Variants in SDK1 observed in about 807,000 individuals in gnomAD.
The protein encoded by SDK1 is sidekick cell adhesion molecule 1.
SDK1 carries 157 observed loss-of-function variants against 245.5 expected under a neutral mutation model. The ratio of observed to expected loss-of-function variants is 0.64; its 90% confidence interval spans 0.56 to 0.73. The LOEUF is 0.73. SDK1 is among the 30% of genes least tolerant of loss of function. The pLI is 0.00. For missense variants in SDK1, 3,583 were observed against 3,002.3 expected, an observed-to-expected ratio of 1.19 and a Z score of -4.52; for synonymous variants, 1,647 against 1,278.5, an observed-to-expected ratio of 1.29 and a Z score of -6.15.
chr7:3,476,026 C>T (rs1352454819), intron 1 of SDK1: 1 of 152,642 alleles, frequency 6.6e-6, no homozygotes, highest in African/African-American at 2.4e-5. Flanking sequence ...TCCTATTCAT[C>T]ATCAAAAAGT....
intron 1 of SDK1, among the ~76,000 whole-genome samples, chr7:3,363,724 A>G (rs978933277): frequency 6.6e-6 from 1 of 152,156 alleles, no homozygotes; most frequent in Admixed American, 6.5e-5. Context: ...TTGTGCTCCT[A>G]TGAGAATCTA....
intron 5 of SDK1, among the ~76,000 whole-genome samples, chr7:3,874,728 G>A (rs750208825): frequency 6.6e-6 from 1 of 152,192 alleles, no homozygotes; most frequent in Non-Finnish European, 1.5e-5. Context: ...GGGGTGATGA[G>A]TGTGTGCAGA....
chr7:4,265,232 G>C lies in SDK1; in HGVS notation c.6490G>C (p.Ala2164Pro). Reference protein sequence around the residue: ...NSWKRRAQGRAPAPHRYEAVA... With the variant: ...NSWKRRAQGRPPAPHRYEAVA... Reference sequence around the variant, plus strand: ...ATGGAAGCGCAGGGCCCAGGGCCGCGCACCTGCGCCGCACAGGTACGAGGC... The same window carrying C: ...ATGGAAGCGCAGGGCCCAGGGCCGCCCACCTGCGCCGCACAGGTACGAGGC... The change falls in exon 45 of 45, where the codon GCA (alanine) becomes CCA (proline). Residue 2164 changes from alanine (A) to proline (P), a missense_variant. Transcript: ENST00000404826. The C allele has an allele frequency of 6.2e-7, 1 of 1,608,248 alleles. No individual in the cohort carries two copies. Among genetic ancestry groups the C allele is most frequent in the Non-Finnish European group, 8.5e-7 (1 of 1,179,292 alleles).
At chr7:3,932,043 G>A (rs889881021) in intron 5 of SDK1, among the ~76,000 whole-genome samples, 1 of 152,178 alleles carries the variant, frequency 6.6e-6, no homozygotes. Context: ...CAGATTTGCT[G>A]AGTAATCATT....
intron 25 of SDK1, among the ~76,000 whole-genome samples, chr7:4,125,340 AATAG>A (rs1223631324): frequency 7.3e-5 from 9 of 124,040 alleles, no homozygotes; most frequent in African/African-American, 2.4e-4. Context: ...TGGATGAATG[AATAG>A]ATGGATGGAT....
At chr7:3,973,326 T>C (rs1782637196) in intron 12 of SDK1, among the ~76,000 whole-genome samples, 1 of 152,184 alleles carries the variant, frequency 6.6e-6, no homozygotes, top group Admixed American at 6.5e-5. Context: ...TTTAAAGAAC[T>C]GGGCACATTT....
chr7:4,219,805 GC>G (rs375353235), intron 38 of SDK1, among the ~76,000 whole-genome samples: 939 of 29,322 alleles, frequency 0.032, 9 homozygotes, highest in African/African-American at 0.099. Flanking sequence ...CCCTTCCCCC[GC>G]CCCCGCTCCT....
Position 4,265,411 on chromosome 7 carries a change from G to A in SDK1, c.*27G>A, listed in dbSNP as rs1788408037. On this transcript the variant is annotated 3_prime_UTR_variant, in exon 45 of 45. Coordinates refer to ENST00000404826, the MANE Select transcript of SDK1 (RefSeq NM_152744.4). ...CAAAGCGCCGCGCCTCCCTCAGGGC[G>A]GAACGGAGGCAACTTTCCGGAGTCT... The A allele has an allele frequency of 2.8e-6, 4 of 1,410,326 alleles. No homozygotes were observed. The highest frequency in any genetic ancestry group is 1.5e-5 in the African/African-American group (1 of 66,036). The allele number at this position is 1,410,326 out of a possible 1,614,324, so 87.4% of individuals were successfully genotyped here.
chr7:3,858,366 A>G (rs1488614072), intron 5 of SDK1, among the ~76,000 whole-genome samples: 1 of 152,180 alleles, frequency 6.6e-6, no homozygotes, highest in Non-Finnish European at 1.5e-5. Context: ...ACCCTGGGCC[A>G]CATAGTGAGA....
intron 1 of SDK1, among the ~76,000 whole-genome samples, chr7:3,508,988 T>C (rs545077961): frequency 1.3e-5 from 2 of 152,210 alleles, no homozygotes; most frequent in African/African-American, 2.4e-5. Flanking sequence ...TCTAGTAATA[T>C]CTGTGGCAGT....
At chr7:3,619,690 G>C (rs956863702) in intron 2 of SDK1, among the ~76,000 whole-genome samples, 6 of 152,194 alleles carry the variant, frequency 3.9e-5, no homozygotes, top group African/African-American at 1.4e-4. Context: ...GGGATGGATG[G>C]AATCATGGAG....
At chr7:4,048,840 T>G (rs1309478145) in intron 17 of SDK1, among the ~76,000 whole-genome samples, 1 of 152,334 alleles carries the variant, frequency 6.6e-6, no homozygotes, top group African/African-American at 2.4e-5. Flanking sequence ...CAAAAATGAT[T>G]GTCCCCGTTG....
At chr7:3,394,655 T>C (rs553773091) in intron 1 of SDK1, among the ~76,000 whole-genome samples, 3 of 152,220 alleles carry the variant, frequency 2.0e-5, no homozygotes, top group South Asian at 4.1e-4. Context: ...TCCATAAATA[T>C]TGAATGTCTC....
At chr7:3,307,260 G>T (rs191400386) in intron 1 of SDK1, among the ~76,000 whole-genome samples, 2 of 151,864 alleles carry the variant, frequency 1.3e-5, no homozygotes, top group African/African-American at 2.4e-5. Flanking sequence ...GGGCATAAAC[G>T]TTCGTAGCCA....
At chr7:3,459,098 A>G (rs541617874) in intron 1 of SDK1, among the ~76,000 whole-genome samples, 13 of 152,300 alleles carry the variant, frequency 8.5e-5, no homozygotes, top group African/African-American at 2.4e-4. Flanking sequence ...ACCTGGGACA[A>G]TTGACATCAT....
At chr7:3,407,790 C>G (rs972358029) in intron 1 of SDK1, among the ~76,000 whole-genome samples, 2 of 152,182 alleles carry the variant, frequency 1.3e-5, no homozygotes, top group African/African-American at 4.8e-5. Flanking sequence ...TCCTTCTCCT[C>G]AAGGAGTTCC....
chr7:3,953,720 A>G (rs148771197), intron 7 of SDK1, among the ~76,000 whole-genome samples: 3 of 152,350 alleles, frequency 2.0e-5, no homozygotes, highest in East Asian at 3.9e-4. Context: ...TAAGAGCTTT[A>G]GTTTTACATT....
chr7:3,904,191 C>T (rs966720761), intron 5 of SDK1, among the ~76,000 whole-genome samples: 1 of 152,178 alleles, frequency 6.6e-6, no homozygotes, highest in African/African-American at 2.4e-5. Context: ...GACACAAAGA[C>T]CCACATACTG....
At chr7:3,697,192 A>T (rs1254114637) in intron 4 of SDK1, among the ~76,000 whole-genome samples, 6 of 152,228 alleles carry the variant, frequency 3.9e-5, no homozygotes, top group Non-Finnish European at 7.3e-5. Context: ...TACTTTTGGA[A>T]AACAATGATA....
Sources: allele counts gnomAD v4.1 joint callset (sites outside exome capture counted in the v4.1 genomes callset), GRCh38; gene constraint gnomAD v4.1.1; transcripts MANE v1.5; gene names NCBI Gene and HGNC (gene_info 2026-07-23, HGNC 2026-07-21).